The following FGF13 variants were observed in gnomAD, a reference collection of about 807,000 sequenced individuals.
FGF13 encodes fibroblast growth factor homologous factor 2.
FGF13 carries 2 observed loss-of-function variants against 19.5 expected under a neutral mutation model. The ratio of observed to expected loss-of-function variants is 0.10; its 90% CI spans 0.04 to 0.32. The LOEUF (loss-of-function observed/expected upper bound fraction) is 0.32, where lower values mean the gene tolerates loss of function less well. FGF13 is among the 10% of genes least tolerant of loss of function. The pLI is 1.00. For missense variants in FGF13, 113 were observed against 192.7 expected (o/e 0.59, Z 2.45); for synonymous variants, 72 against 76.9 (o/e 0.94, Z 0.33).
At chrX:139,153,588 CTTTAAAA>C (rs1469199409) in intron 1 of FGF13, among the ~76,000 whole-genome samples, 1 of 111,131 alleles carries the variant, frequency 9.0e-6, no homozygotes, top group Non-Finnish European at 1.9e-5. Flanking sequence ...GTTTTCCCTT[CTTTAAAA>C]TTTAAAAACT....
At chrX:139,066,463 T>C (rs2092356816) in intron 1 of FGF13, among the ~76,000 whole-genome samples, 1 of 110,621 alleles carries the variant, frequency 9.0e-6, no homozygotes, top group Non-Finnish European at 1.9e-5. Flanking sequence ...CAACGAAAAA[T>C]GATAAAGGGG....
intron 1 of FGF13, among the ~76,000 whole-genome samples, chrX:139,157,388 C>T (rs1033059090): frequency 7.2e-5 from 8 of 111,865 alleles, no homozygotes; most frequent in Non-Finnish European, 1.3e-4. Flanking sequence ...TTAAATGTAT[C>T]CTCCAAAAGT....
chrX:139,066,774 T>C lies in FGF13; in HGVS notation c.-113+136642A>G, dbSNP rs138228300. ...AGAAGGACTCCTTCCTAAATCATTT[T>C]ATGAGGCCAGCATCATCCTGATACC... On this transcript the variant is annotated intron_variant, in intron 1 of 2. Transcript: ENST00000421460. Among the ~76,000 whole-genome samples, 889 of 110,198 alleles carry C rather than the reference T, an allele frequency of 8.1e-3. 10 individuals carry two copies. The highest frequency in any genetic ancestry group is 0.028 in the African/African-American group (846 of 30,226).
At chrX:138,960,347 G>GC in intron 1 of FGF13, among the ~76,000 whole-genome samples, 1 of 111,681 alleles carries the variant, frequency 9.0e-6, no homozygotes, top group East Asian at 2.8e-4. Context: ...TTGAATATTG[G>GC]CCCCCACTCT....
intron 3 of FGF13, among the ~76,000 whole-genome samples, chrX:138,693,200 A>C (rs1237212702): frequency 8.9e-6 from 1 of 112,157 alleles, no homozygotes; most frequent in Non-Finnish European, 1.9e-5. Context: ...AAGAATAATA[A>C]ACGTGAAATA....
chrX:138,683,492 G>A (rs946676327), intron 3 of FGF13, among the ~76,000 whole-genome samples: 1 of 109,966 alleles, frequency 9.1e-6, no homozygotes, highest in Admixed American at 9.8e-5. Context: ...ATAGGGTATT[G>A]ATATTTTAGT....
chrX:138,731,827 T>C (rs1274071227), intron 1 of FGF13, among the ~76,000 whole-genome samples: 2 of 110,394 alleles, frequency 1.8e-5, no homozygotes, highest in Non-Finnish European at 3.8e-5. Flanking sequence ...ATATAATAAA[T>C]AGAAGTGGAG....
intron 1 of FGF13, among the ~76,000 whole-genome samples, chrX:139,046,150 T>A (rs1247738141): frequency 1.1e-5 from 1 of 88,024 alleles, no homozygotes; most frequent in African/African-American, 4.5e-5. Flanking sequence ...TACGGGGGCC[T>A]CAGGAAGCTT....
At chrX:138,881,549 T>C (rs1211101888) in intron 1 of FGF13, among the ~76,000 whole-genome samples, 2 of 111,574 alleles carry the variant, frequency 1.8e-5, no homozygotes, top group African/African-American at 3.2e-5. Flanking sequence ...CTGGACTCTT[T>C]ATTGGGTAGT....
At chrX:139,047,969 A>G (rs1453055499) in intron 1 of FGF13, among the ~76,000 whole-genome samples, 1 of 111,323 alleles carries the variant, frequency 9.0e-6, no homozygotes, top group East Asian at 2.8e-4. Context: ...TTCTTCTATC[A>G]GATGTATGCA....
chrX:138,865,381 G>A (rs1469178448), intron 1 of FGF13, among the ~76,000 whole-genome samples: 1 of 109,563 alleles, frequency 9.1e-6, no homozygotes, highest in African/African-American at 3.3e-5. Flanking sequence ...GAAAATTACT[G>A]CTCTAAGTAA....
At chrX:138,955,066 TGACTATCCCCTAGATCTCCTCAATCA>T (rs1433783149) in intron 1 of FGF13, among the ~76,000 whole-genome samples, 5 of 112,707 alleles carry the variant, frequency 4.4e-5, no homozygotes, top group Non-Finnish European at 9.4e-5. Flanking sequence ...ATAGATCCTG[TGACTATCCCCTAGATCTCCTCAATCA>T]GACTGTCTGG....
At chrX:138,944,900 T>C (rs1326010668) in intron 1 of FGF13, among the ~76,000 whole-genome samples, 1 of 111,656 alleles carries the variant, frequency 9.0e-6, no homozygotes, top group African/African-American at 3.3e-5. Flanking sequence ...AATAATAAGC[T>C]ACCCATCCTT....
At chrX:138,815,608 T>C (rs1428251483) in intron 3 of FGF13, among the ~76,000 whole-genome samples, 9 of 109,972 alleles carry the variant, frequency 8.2e-5, no homozygotes, top group Non-Finnish European at 7.6e-5. Flanking sequence ...AAAGGTGACA[T>C]CTCAAATAAC....
intron 1 of FGF13, among the ~76,000 whole-genome samples, chrX:138,998,081 C>T (rs908454250): frequency 2.7e-5 from 3 of 111,629 alleles, no homozygotes; most frequent in Non-Finnish European, 5.6e-5. Context: ...TCCAGCCAAA[C>T]TAAGCTTCAT....
At chrX:139,133,831 T>G (rs1201705745) in intron 1 of FGF13, among the ~76,000 whole-genome samples, 1 of 111,983 alleles carries the variant, frequency 8.9e-6, no homozygotes, top group Non-Finnish European at 1.9e-5. Context: ...TGTTCTCACC[T>G]GGAACAGTTC....
At chrX:138,868,056 A>G (rs2091338408) in intron 1 of FGF13, among the ~76,000 whole-genome samples, 1 of 111,553 alleles carries the variant, frequency 9.0e-6, no homozygotes. Flanking sequence ...AAATTGACTA[A>G]TAGTATTTCT....
At chrX:138,784,028 A>C (rs2090671485) in intron 3 of FGF13, among the ~76,000 whole-genome samples, 1 of 99,704 alleles carries the variant, frequency 1.0e-5, no homozygotes, top group African/African-American at 3.6e-5. Flanking sequence ...ACATGGATGA[A>C]ATTGGAAATC....
chrX:138,711,394 T>A lies in FGF13; in HGVS notation c.-391A>T. 4.5e-6 allele frequency: 2 copies of A among 441,697 alleles called. 1 individual carries two copies. Among genetic ancestry groups the A allele is most frequent in the Non-Finnish European group, 5.0e-6 (2 of 401,134 alleles). The allele number at this position is 441,697 out of a possible 1,213,427, so 36.4% of individuals were successfully genotyped here. On this transcript the variant is annotated 5_prime_UTR_variant, in exon 1 of 5. Transcript: ENST00000315930. ...ATTTCGCCGGACCCCCTCGCCCTGT[T>A]GCCCTTCTGATGGGGGCCAGAGGAG...
Sources: gnomAD v4.1 joint callset for allele counts (sites outside exome capture counted in the v4.1 genomes callset) on GRCh38, gnomAD v4.1.1 for gene constraint, MANE v1.5 for transcripts, NCBI Gene and HGNC (gene_info 2026-07-23, HGNC 2026-07-21) for gene names.